The following SLC39A10 variants were observed in gnomAD, a reference collection of about 807,000 sequenced individuals.
SLC39A10 encodes zinc transporter ZIP10.
SLC39A10 carries 13 observed loss-of-function variants against 65.1 expected under a neutral mutation model. The observed-to-expected ratio is 0.20, with a 90% CI of 0.13 to 0.32. SLC39A10 has a LOEUF of 0.32. Among genes scored for constraint, SLC39A10 ranks in the 10% least tolerant of loss-of-function variants. The probability of loss-of-function intolerance (pLI) is 1.00; values close to 1 mark genes in which losing one functional copy is unlikely to be tolerated. For missense variants in SLC39A10, 831 were observed against 1,018.4 expected, an observed-to-expected ratio of 0.82 and a Z score of 2.50; for synonymous variants, 321 against 342.2, an observed-to-expected ratio of 0.94 and a Z score of 0.68.
chr2:195,631,572 A>G (rs546792957), intron 2 of SLC39A10, among the ~76,000 whole-genome samples: 231 of 152,322 alleles, frequency 1.5e-3, no homozygotes, highest in African/African-American at 5.0e-3. Flanking sequence ...CCAGTATATA[A>G]CATCTATGTT....
At position 195,713,554 on chromosome 2, in the gene SLC39A10, G is replaced by A. The variant is rs771200331; in HGVS notation, c.1696+1G>A. On this transcript the variant is annotated splice_donor_variant, in intron 6 of 9. Coordinates refer to ENST00000359634, the MANE Select transcript of SLC39A10 (RefSeq NM_020342.3). LOFTEE classifies it high-confidence loss of function. ...TGGCTTCAACTCAAGCCTCTTGCCG[G>A]TAGACAGCAATTCTGACTCAAGACA... 3 of 1,544,734 alleles carry A rather than the reference G, an allele frequency of 1.9e-6. No homozygotes were observed. Among genetic ancestry groups the A allele is most frequent in the Admixed American group, 2.5e-5 (1 of 40,596 alleles).
chr2:195,715,043 C>T (rs1054634804), intron 6 of SLC39A10, among the ~76,000 whole-genome samples: 11 of 151,942 alleles, frequency 7.2e-5, no homozygotes, highest in African/African-American at 2.4e-4. Flanking sequence ...TGAGCCACTG[C>T]GCCTGGCAAT....
At chr2:195,677,082 A>T (rs1402183793) in intron 1 of SLC39A10, among the ~76,000 whole-genome samples, 2 of 152,244 alleles carry the variant, frequency 1.3e-5, no homozygotes, top group Non-Finnish European at 2.9e-5. Context: ...TGATTTTTAT[A>T]AAACTTTGTA....
At chr2:195,706,373 T>C (rs1354953986) in intron 3 of SLC39A10, among the ~76,000 whole-genome samples, 2 of 150,544 alleles carry the variant, frequency 1.3e-5, no homozygotes, top group African/African-American at 4.9e-5. Context: ...CTGGTTCTTA[T>C]CTCGTGGGCC....
intron 8 of SLC39A10, among the ~76,000 whole-genome samples, chr2:195,719,652 C>G (rs1449135293): frequency 6.6e-6 from 1 of 151,132 alleles, no homozygotes; most frequent in East Asian, 1.9e-4. Context: ...GAGTCTTCCT[C>G]TGCTGCCCAG....
In SLC39A10 at chr2:195,728,089, GT is replaced by G; in HGVS notation, c.2147-66del. 7.3e-7 allele frequency: 1 copy of G among 1,362,602 alleles called. No homozygotes were observed. Among genetic ancestry groups the G allele is most frequent in the Non-Finnish European group, 1.0e-6 (1 of 984,752 alleles). The allele number at this position is 1,362,602 out of a possible 1,614,324, so 84.4% of individuals were successfully genotyped here. On this transcript the variant is annotated intron_variant, in intron 8 of 9. Coordinates refer to ENST00000359634, the MANE Select transcript of SLC39A10 (RefSeq NM_020342.3). This position sits in a 1 kb window ranked among gnomAD's most constrained non-coding sequence, Gnocchi z 4.4. Reference sequence around the variant, plus strand: ...TATCTTTTTAATGCTGATTTTATTTGTTTTCTCCTTTCAGATTTGTGTTTTA... The same window carrying G: ...TATCTTTTTAATGCTGATTTTATTTGTTTCTCCTTTCAGATTTGTGTTTTA...
chr2:195,639,075 C>T (rs1688749419), intron 2 of SLC39A10, among the ~76,000 whole-genome samples: 1 of 152,010 alleles, frequency 6.6e-6, no homozygotes, highest in Non-Finnish European at 1.5e-5. Context: ...CCTGCCTCTG[C>T]CTCCTATGTA....
chr2:195,705,428 G>A (rs926121360), intron 3 of SLC39A10, among the ~76,000 whole-genome samples: 8 of 152,160 alleles, frequency 5.3e-5, no homozygotes, highest in African/African-American at 1.7e-4. Flanking sequence ...TGGCTATAGT[G>A]TTAACATTAC....
At chr2:195,654,397 C>T (rs557815657), upstream of SLC39A10, among the ~76,000 whole-genome samples, 1 of 152,260 alleles carries the variant, frequency 6.6e-6, no homozygotes, top group African/African-American at 2.4e-5. Context: ...CTTATTTCCT[C>T]TTTTGTATTA....
Position 195,680,259 on chromosome 2 carries a change from G to A in SLC39A10, c.217G>A (p.Glu73Lys), listed in dbSNP as rs1388404351. The A allele has an allele frequency of 6.2e-7, 1 of 1,613,928 alleles. No individual in the cohort carries two copies. Among genetic ancestry groups the A allele is most frequent in the Admixed American group, 1.7e-5 (1 of 59,968 alleles). ...TGAAAAACTTTTTGAGCGTTATGGT[G>A]AAAATGGAAGATTATCCTTTTTTGG... ...YIEKLFERYG[E>K]NGRLSFFGLE... Residue 73 changes from glutamate (E) to lysine (K), a missense_variant, in exon 2 of 10, where the codon GAA (glutamate) becomes AAA (lysine). By Grantham distance (56) the Glu-to-Lys change is moderately conservative. This residue lies in a region of SLC39A10 where 446 missense variants were observed against 499.2 expected (regional missense o/e 0.89). Coordinates refer to ENST00000359634, the MANE Select transcript of SLC39A10 (RefSeq NM_020342.3).
At chr2:195,657,688 C>G in intron 1 of SLC39A10, 3 of 960,766 alleles carry the variant, frequency 3.1e-6, no homozygotes, top group Non-Finnish European at 3.7e-6. Flanking sequence ...GGGCTGCGCG[C>G]CGGCCGCGGA....
Position 195,708,826 on chromosome 2 carries a change from G to T in SLC39A10, c.1557G>T (p.Lys519Asn). 6.2e-7 allele frequency: 1 copy of T among 1,607,212 alleles called. No homozygotes were observed. Among genetic ancestry groups the T allele is most frequent in the Non-Finnish European group, 8.5e-7 (1 of 1,177,754 alleles). The change falls in exon 5 of 10, where the codon AAG becomes AAT. Residue 519 changes from lysine (K) to asparagine (N), a missense_variant. Around this residue, in one of 4 missense-constraint regions of SLC39A10, gnomAD observed 230 missense variants for 242.9 expected, o/e 0.95. Transcript: ENST00000359634. ...TTGAACACTGCATTAGAATGTTTAAGCACTACAAACAACAAAGAGTAAGTA... is the reference window on the plus strand; with the variant it reads ...TTGAACACTGCATTAGAATGTTTAATCACTACAAACAACAAAGAGTAAGTA... ...FIIEHCIRMFKHYKQQRGKQK... is the reference protein window; with the variant it reads ...FIIEHCIRMFNHYKQQRGKQK...
intron 1 of SLC39A10, chr2:195,674,723 G>A (rs1690015113): frequency 1.2e-6 from 1 of 859,980 alleles, no homozygotes; most frequent in African/African-American, 1.8e-5. Context: ...GTCATTGTGT[G>A]AACATCATAG....
chr2:195,643,280 C>T (rs551948329), intron 2 of SLC39A10, among the ~76,000 whole-genome samples: 1 of 152,258 alleles, frequency 6.6e-6, no homozygotes, highest in Non-Finnish European at 1.5e-5. Context: ...ATGAGTTGAA[C>T]AAGTGGGTCA....
intron 2 of SLC39A10, among the ~76,000 whole-genome samples, chr2:195,622,649 G>A (rs1295575617): frequency 1.3e-5 from 2 of 152,158 alleles, no homozygotes; most frequent in African/African-American, 4.8e-5. Flanking sequence ...GAGAAATAGT[G>A]GTGAATGTGA....
At chr2:195,718,039 A>C (rs903517950) in intron 7 of SLC39A10, among the ~76,000 whole-genome samples, 9 of 152,202 alleles carry the variant, frequency 5.9e-5, no homozygotes, top group African/African-American at 1.9e-4. Context: ...TTGAATATGG[A>C]ATATTGCTTT....
intron 1 of SLC39A10, among the ~76,000 whole-genome samples, chr2:195,669,591 T>G (rs1277919427): frequency 6.6e-6 from 1 of 152,260 alleles, no homozygotes; most frequent in Non-Finnish European, 1.5e-5. Context: ...GTTAACCATT[T>G]GTATATATTC....
In SLC39A10 at chr2:195,706,754, G is replaced by A. The variant is rs776730376; in HGVS notation, c.1355G>A (p.Ser452Asn). The change falls in exon 4 of 10, where the codon AGT becomes AAT. Residue 452 changes from serine to asparagine, a missense_variant. Transcript: ENST00000359634. ...GTTGCATTAGCTGTAGGAACAATGAGTGGAGACGCCCTTCTTCATCTACTG... is the reference window on the plus strand; with the variant it reads ...GTTGCATTAGCTGTAGGAACAATGAATGGAGACGCCCTTCTTCATCTACTG... Reference protein sequence around the residue: ...FLVALAVGTMSGDALLHLLPH... With the variant: ...FLVALAVGTMNGDALLHLLPH... 1.9e-6 allele frequency: 3 copies of A among 1,583,472 alleles called. No individual in the cohort carries two copies. The highest frequency in any genetic ancestry group is 1.8e-5 in the Admixed American group (1 of 54,608).
intron 1 of SLC39A10, among the ~76,000 whole-genome samples, chr2:195,676,439 A>G (rs568092047): frequency 6.6e-6 from 1 of 152,002 alleles, no homozygotes; most frequent in South Asian, 2.1e-4. Flanking sequence ...TCATCATGAT[A>G]TGTGCTTTGT....
Sources: allele counts gnomAD v4.1 joint callset (sites outside exome capture counted in the v4.1 genomes callset), GRCh38; gene constraint gnomAD v4.1.1; regional missense constraint gnomAD v4.1.1; non-coding constraint Gnocchi (gnomAD v3.1); transcripts MANE v1.5; gene names NCBI Gene and HGNC (gene_info 2026-07-23, HGNC 2026-07-21).